Variants in DCDC1 observed in about 807,000 individuals in gnomAD.
The protein encoded by DCDC1 is doublecortin domain-containing protein 1.
Under a neutral mutation model 178.3 loss-of-function variants are expected in DCDC1, and 200 were observed. The observed-to-expected ratio is 1.12, with a 90% CI of 1.00 to 1.26. DCDC1 has a LOEUF of 1.26. DCDC1 is among the 50% of genes most tolerant of loss of function. The pLI, the probability that DCDC1 is intolerant of heterozygous loss-of-function variation, is 0.00. For missense variants in DCDC1, 1,983 were observed against 1,749.2 expected, an observed-to-expected ratio of 1.13 and a Z score of -2.38; for synonymous variants, 690 against 604.8, an observed-to-expected ratio of 1.14 and a Z score of -2.07.
At chr11:30,959,379 T>A (rs944421766) in intron 20 of DCDC1, among the ~76,000 whole-genome samples, 2 of 152,098 alleles carry the variant, frequency 1.3e-5, no homozygotes, top group African/African-American at 4.8e-5. Flanking sequence ...CTCAGCCCCA[T>A]TCTCCTCCCT....
chr11:30,908,155 CCA>C (rs35592499), intron 29 of DCDC1, among the ~76,000 whole-genome samples: 72,343 of 151,704 alleles, frequency 0.48, 18,490 homozygotes, highest in Middle Eastern at 0.59. Flanking sequence ...AATGGAAAAC[CCA>C]CACATTGCCT....
intron 32 of DCDC1, among the ~76,000 whole-genome samples, chr11:30,901,329 G>T (rs1461815515): frequency 6.6e-6 from 1 of 152,096 alleles, no homozygotes; most frequent in East Asian, 1.9e-4. Flanking sequence ...TTCTAAAAAT[G>T]ATACTCTGAG....
intron 9 of DCDC1, among the ~76,000 whole-genome samples, chr11:31,210,430 C>T (rs187301266): frequency 5.8e-4 from 88 of 152,038 alleles, no homozygotes; most frequent in Non-Finnish European, 1.0e-4. Flanking sequence ...AAGAATGGAC[C>T]GGCCGGGCAC....
At chr11:31,075,597 T>G (rs780686065) in intron 18 of DCDC1, among the ~76,000 whole-genome samples, 11 of 152,230 alleles carry the variant, frequency 7.2e-5, no homozygotes, top group Non-Finnish European at 1.3e-4. Flanking sequence ...TTCTAACTAG[T>G]GTAACAAGTA....
intron 20 of DCDC1, among the ~76,000 whole-genome samples, chr11:31,005,600 C>T (rs117646777): frequency 0.022 from 3,400 of 152,024 alleles, 63 homozygotes; most frequent in Middle Eastern, 0.055. Flanking sequence ...CAAGACTAAC[C>T]CCACTCTCAA....
chr11:31,053,990 A>G (rs1955427779), intron 20 of DCDC1, among the ~76,000 whole-genome samples: 1 of 152,144 alleles, frequency 6.6e-6, no homozygotes, highest in African/African-American at 2.4e-5. Flanking sequence ...GACAAGAGAA[A>G]TAAATAAAGG....
At chr11:31,019,241 A>C (rs1364639165) in intron 20 of DCDC1, among the ~76,000 whole-genome samples, 3 of 152,220 alleles carry the variant, frequency 2.0e-5, no homozygotes, top group Non-Finnish European at 4.4e-5. Context: ...AAGGATCTCA[A>C]CAAATGGTAG....
At chr11:31,182,148 A>G (rs530334433) in intron 9 of DCDC1, among the ~76,000 whole-genome samples, 8 of 152,242 alleles carry the variant, frequency 5.3e-5, no homozygotes, top group Non-Finnish European at 1.2e-4. Flanking sequence ...AGGAGAATGG[A>G]ACAAAGTTGG....
intron 15 of DCDC1, among the ~76,000 whole-genome samples, chr11:31,100,767 C>G (rs571433062): frequency 6.6e-6 from 1 of 152,034 alleles, no homozygotes. Flanking sequence ...GAAGTCCAGA[C>G]GAAAATTCGG....
Position 30,982,604 on chromosome 11 carries a change from G to A in DCDC1, c.2592-30036C>T, listed in dbSNP as rs1258892903. On this transcript the variant is annotated intron_variant, in intron 20 of 38. Coordinates refer to ENST00000684477, the MANE Select transcript of DCDC1 (RefSeq NM_001387274.1). ...CAAATAAATTGCAGATTTTTTTCTG[G>A]TGTGATACTAAAACAATTACCATTT... 3.9e-5 allele frequency among the ~76,000 whole-genome samples: 6 copies of A among 152,070 alleles called. No homozygotes were observed. The South Asian group carries it at 1.0e-3, about 26-fold the overall frequency.
intron 20 of DCDC1, among the ~76,000 whole-genome samples, chr11:30,995,711 A>C (rs1414774746): frequency 6.6e-6 from 1 of 152,168 alleles, no homozygotes; most frequent in Admixed American, 6.6e-5. Flanking sequence ...TATGAAGCAA[A>C]ACAAAAAATA....
At chr11:31,200,331 T>C (rs1040315416) in intron 9 of DCDC1, among the ~76,000 whole-genome samples, 5 of 152,124 alleles carry the variant, frequency 3.3e-5, no homozygotes, top group African/African-American at 1.2e-4. Context: ...GGATAATTAC[T>C]AGATGCCAGT....
chr11:30,920,947 T>C lies in DCDC1; in HGVS notation c.3134-12A>G, dbSNP rs1228405379. The stretch of plus-strand genomic sequence containing the variant: ...TTCTAAAACAAGAGCTGAGCAGAAA[T>C]TCACAAATTGCAAAGACATATTACT... On this transcript the variant is annotated splice_polypyrimidine_tract_variant and intron_variant, in intron 24 of 38. Coordinates refer to ENST00000684477, the MANE Select transcript of DCDC1 (RefSeq NM_001387274.1). 1.2e-6 allele frequency: 2 copies of C among 1,602,428 alleles called. No individual in the cohort carries two copies. Among genetic ancestry groups the C allele is most frequent in the East Asian group, 2.2e-5 (1 of 44,664 alleles).
At chr11:30,879,389 A>G (rs1942438427) in intron 37 of DCDC1, among the ~76,000 whole-genome samples, 1 of 152,160 alleles carries the variant, frequency 6.6e-6, no homozygotes, top group Admixed American at 6.6e-5. Context: ...TAGATTTCTA[A>G]TAAATGAGTA....
intron 9 of DCDC1, among the ~76,000 whole-genome samples, chr11:31,239,529 G>A (rs1243287600): frequency 2.6e-5 from 4 of 151,830 alleles, no homozygotes; most frequent in East Asian, 3.9e-4. Flanking sequence ...AATACATAAT[G>A]AGCAAACTTC....
intron 22 of DCDC1, among the ~76,000 whole-genome samples, chr11:30,930,112 A>C (rs1946838554): frequency 6.6e-6 from 1 of 152,132 alleles, no homozygotes; most frequent in Admixed American, 6.6e-5. Flanking sequence ...CTTATAAATA[A>C]ATTTCAGGTT....
At chr11:31,327,372 G>A (rs1361056412) in intron 3 of DCDC1, among the ~76,000 whole-genome samples, 4 of 152,184 alleles carry the variant, frequency 2.6e-5, no homozygotes, top group Non-Finnish European at 5.9e-5. Context: ...GTTTCACCAT[G>A]TTGGTCAGGC....
At chr11:30,914,978 G>A (rs1227302785) in intron 27 of DCDC1, among the ~76,000 whole-genome samples, 1 of 152,042 alleles carries the variant, frequency 6.6e-6, no homozygotes, top group East Asian at 1.9e-4. Context: ...ACTGTAGTTG[G>A]TTCAAATTTG....
chr11:31,068,136 A>G (rs989050992), intron 18 of DCDC1, among the ~76,000 whole-genome samples: 1 of 152,204 alleles, frequency 6.6e-6, no homozygotes, highest in African/African-American at 2.4e-5. Flanking sequence ...AATGTCAAGA[A>G]GAGATTATTT....
Sources: gnomAD v4.1 joint callset for allele counts (sites outside exome capture counted in the v4.1 genomes callset) on GRCh38, gnomAD v4.1.1 for gene constraint, MANE v1.5 for transcripts, NCBI Gene and HGNC (gene_info 2026-07-23, HGNC 2026-07-21) for gene names.